TENM1: variants seen among roughly 807,000 people sequenced by gnomAD.
TENM1 encodes the protein teneurin transmembrane protein 1.
TENM1 carries 35 observed loss-of-function variants against 174.8 expected under a neutral mutation model. That is an observed-to-expected ratio of 0.20 (90% CI 0.15 to 0.27). TENM1 has a LOEUF of 0.27. Ranked by LOEUF, TENM1 falls within the 10% of genes least tolerant of loss-of-function variation. The pLI, the probability that TENM1 is intolerant of heterozygous loss-of-function variation, is 1.00. For synonymous variants in TENM1, 781 were observed against 798.7 expected (o/e 0.98, Z 0.37); for missense variants, 1,633 against 2,130.1 (o/e 0.77, Z 4.59).
exon 5 of TENM1, chrX:124,705,126 G>C: frequency 8.3e-7 from 1 of 1,211,509 alleles, no homozygotes; most frequent in African/African-American, 1.7e-5. Flanking sequence ...GGCAGGTCGG[G>C]AAAAGGTGCT....
chrX:124,406,348 C>G, exon 26 of TENM1: 1 of 1,209,754 alleles, frequency 8.3e-7, no homozygotes, highest in Non-Finnish European at 1.1e-6. Context: ...TACTAGTTGC[C>G]GTCAAGTTGG....
chrX:124,989,165 T>C, the TENM1 span, among the ~76,000 whole-genome samples: 7 of 111,814 alleles, frequency 6.3e-5, no homozygotes, highest in Admixed American at 2.9e-4. Context: ...AATCCTAAGA[T>C]GTTGAGAATT....
At chrX:125,049,957 T>C in the TENM1 span, among the ~76,000 whole-genome samples, 1 of 109,952 alleles carries the variant, frequency 9.1e-6, no homozygotes, top group Non-Finnish European at 1.9e-5. Context: ...TTCTATGGGT[T>C]GTCATTTTGA....
chrX:125,022,603 A>C, the TENM1 span, among the ~76,000 whole-genome samples: 1 of 111,384 alleles, frequency 9.0e-6, no homozygotes, highest in Non-Finnish European at 1.9e-5. Flanking sequence ...AGCCTCAAAT[A>C]TGATATATAA....
intron 15 of TENM1, among the ~76,000 whole-genome samples, chrX:124,538,313 G>C (rs1355406392): frequency 2.7e-5 from 3 of 111,628 alleles, no homozygotes; most frequent in Admixed American, 9.5e-5. Context: ...AACAACTTCA[G>C]AGGTGATAAG....
intron 4 of TENM1, among the ~76,000 whole-genome samples, chrX:124,721,059 A>G (rs769296687): frequency 8.9e-6 from 1 of 112,167 alleles, no homozygotes; most frequent in Non-Finnish European, 1.9e-5. Flanking sequence ...AGGACCTCGA[A>G]TATCGTTTAG....
chrX:124,704,537 T>C (rs2052850692), intron 5 of TENM1, among the ~76,000 whole-genome samples: 1 of 112,025 alleles, frequency 8.9e-6, no homozygotes, highest in South Asian at 3.7e-4. Flanking sequence ...GAAATAAGAA[T>C]ACATTTTTTG....
chrX:125,067,111 C>T, the TENM1 span, among the ~76,000 whole-genome samples: 3 of 110,922 alleles, frequency 2.7e-5, no homozygotes, highest in Admixed American at 9.7e-5. Flanking sequence ...ATTTTTTCTG[C>T]GTAACAGAGG....
intron 11 of TENM1, among the ~76,000 whole-genome samples, chrX:124,639,431 T>C (rs749044744): frequency 1.8e-5 from 2 of 112,301 alleles, no homozygotes; most frequent in African/African-American, 3.2e-5. Flanking sequence ...CTCACAAAAA[T>C]AGTCTACTGC....
chrX:124,471,845 AC>A (rs1326419667), intron 22 of TENM1, among the ~76,000 whole-genome samples: 5 of 102,959 alleles, frequency 4.9e-5, no homozygotes, highest in African/African-American at 1.8e-4. Context: ...AGCATACAGT[AC>A]ATACAGCTTT....
At chrX:124,633,247 T>C (rs1384987089) in intron 11 of TENM1, among the ~76,000 whole-genome samples, 1 of 112,391 alleles carries the variant, frequency 8.9e-6, no homozygotes, top group Non-Finnish European at 1.9e-5. Context: ...CCAAATGGAT[T>C]CTTACTGTAC....
At chrX:124,950,400 A>C (rs984836249) in intron 1 of TENM1, among the ~76,000 whole-genome samples, 3 of 111,873 alleles carry the variant, frequency 2.7e-5, no homozygotes, top group Admixed American at 9.5e-5. Flanking sequence ...TGTTGGTTAT[A>C]CTCCATGCTC....
intron 3 of TENM1, among the ~76,000 whole-genome samples, chrX:124,847,091 G>T (rs1051303119): frequency 9.0e-6 from 1 of 111,044 alleles, no homozygotes; most frequent in African/African-American, 3.3e-5. Flanking sequence ...TAAATTTGGA[G>T]AACTTTGTGT....
At chrX:124,606,594 C>A (rs2050163455) in intron 11 of TENM1, among the ~76,000 whole-genome samples, 1 of 110,997 alleles carries the variant, frequency 9.0e-6, no homozygotes, top group Non-Finnish European at 1.9e-5. Context: ...TGTCTGGATC[C>A]AACATTTTAT....
At chrX:125,023,168 G>A in the TENM1 span, among the ~76,000 whole-genome samples, 1 of 111,215 alleles carries the variant, frequency 9.0e-6, no homozygotes, top group Admixed American at 9.6e-5. Context: ...GATACCTGGT[G>A]GGAAGTGATT....
intron 1 of TENM1, among the ~76,000 whole-genome samples, chrX:124,921,407 T>G (rs1423795317): frequency 9.0e-6 from 1 of 111,156 alleles, no homozygotes; most frequent in Admixed American, 9.6e-5. Flanking sequence ...TTATGAAAAT[T>G]GGGTATTTTA....
chrX:124,823,455 T>C (rs1374945535), intron 3 of TENM1, among the ~76,000 whole-genome samples: 7 of 111,498 alleles, frequency 6.3e-5, no homozygotes, highest in African/African-American at 2.3e-4. Flanking sequence ...AATAGGAAAA[T>C]TGGAGCAAAG....
At position 124,956,151 on chromosome X, in the gene TENM1, C is replaced by T. The variant is rs905535592; in HGVS notation, c.217+7386G>A. On this transcript the variant is annotated intron_variant, in intron 1 of 31. Coordinates refer to ENST00000422452, the Ensembl canonical transcript of TENM1. ...ATGTCACCATGCCCTAGGCAGAATA[C>T]ACGGCATGGTTCTAGCTTCTAGACC... Among the ~76,000 whole-genome samples, 3 of 111,811 alleles carry T rather than the reference C, an allele frequency of 2.7e-5. No individual in the cohort carries two copies. The Admixed American group carries it at 2.9e-4, about 11-fold the overall frequency.
chrX:124,798,870 G>C (rs1459055547), intron 3 of TENM1, among the ~76,000 whole-genome samples: 1 of 111,897 alleles, frequency 8.9e-6, no homozygotes, highest in African/African-American at 3.3e-5. Context: ...TTTGTATAAG[G>C]TATAAGGAAG....
Sources: gnomAD v4.1 joint callset for allele counts (sites outside exome capture counted in the v4.1 genomes callset) on GRCh38, gnomAD v4.1.1 for gene constraint, MANE v1.5 for transcripts, NCBI Gene and HGNC (gene_info 2026-07-23, HGNC 2026-07-21) for gene names.